Variants in CLHC1 observed in about 807,000 individuals in gnomAD.
CLHC1 encodes clathrin heavy chain linker domain-containing protein 1.
In CLHC1, 72 loss-of-function variants were observed where a neutral mutation model predicts 69.5. That is an observed-to-expected ratio of 1.04 (90% CI 0.86 to 1.26). CLHC1 has a LOEUF of 1.26. Ranked by LOEUF, CLHC1 falls within the 50% of genes most tolerant of loss-of-function variation. CLHC1 has a pLI of 0.00. For synonymous variants in CLHC1, 223 were observed against 224.3 expected (o/e 0.99, Z 0.05); for missense variants, 790 against 679.3 (o/e 1.16, Z -1.81).
At chr2:55,180,363 A>C (rs1337329321) in intron 11 of CLHC1, 147 bp downstream of exon 11, 3 of 600,134 alleles carry the variant, frequency 5.0e-6, no homozygotes, top group Non-Finnish European at 5.8e-6. Context: ...TATGTTCATG[A>C]AAAATTACAC....
intron 11 of CLHC1, among the ~76,000 whole-genome samples, chr2:55,179,398 T>C (rs1322511302): frequency 6.6e-6 from 1 of 152,070 alleles, no homozygotes; most frequent in Non-Finnish European, 1.5e-5. Context: ...AAAAAAAGCC[T>C]AGCTATTATT....
In CLHC1 at chr2:55,181,571, T is replaced by C. The variant is rs996606514; in HGVS notation, c.1180A>G (p.Arg394Gly). 1.9e-6 allele frequency: 3 copies of C among 1,594,470 alleles called. No individual in the cohort carries two copies. The highest frequency in any genetic ancestry group is 2.6e-6 in the Non-Finnish European group (3 of 1,173,456). The change falls in exon 10 of 13, where the codon AGA (arginine) becomes GGA (glycine). Residue 394 changes from arginine (R) to glycine (G), a missense_variant and splice_region_variant. Coordinates refer to ENST00000401408, the MANE Select transcript of CLHC1 (RefSeq NM_152385.4). Reference sequence around the variant, plus strand: ...AGTTAAAAGCTTAACTTTGCTTACCTTTCCTGTGTAACCCAATTGGTAACT... The same window carrying C: ...AGTTAAAAGCTTAACTTTGCTTACCCTTCCTGTGTAACCCAATTGGTAACT... ...DLVTNWVTQE[R>G]LTFSEEAGDV...
intron 9 of CLHC1, among the ~76,000 whole-genome samples, chr2:55,183,597 T>C (rs1419292761): frequency 1.3e-5 from 2 of 152,196 alleles, no homozygotes; most frequent in Non-Finnish European, 2.9e-5. Context: ...CTATTTTTTA[T>C]TGTTCACAGA....
rs1675494588 is a variant in CLHC1, at chr2:55,232,291, T to G, written c.-324A>C. 1.5e-5 allele frequency: 3 copies of G among 203,800 alleles called. No homozygotes were observed. In the Admixed American group the frequency reaches 1.6e-4, roughly 11 times the overall value. The allele number at this position is 203,800 out of a possible 1,614,324, so 12.6% of individuals were successfully genotyped here. On this transcript the variant is annotated 5_prime_UTR_variant, in exon 1 of 13. Coordinates refer to ENST00000401408, the MANE Select transcript of CLHC1 (RefSeq NM_152385.4). ...GTGCTTAGAGATAGTAACTAGGGAA[T>G]CTGGGAGGTGGAACTGCATCTTGGG... is the stretch of plus-strand genomic sequence containing the variant.
chr2:55,180,895 C>T (rs566268462), intron 10 of CLHC1, among the ~76,000 whole-genome samples, 183 bp from the exon 11 acceptor site: 24 of 152,038 alleles, frequency 1.6e-4, no homozygotes, highest in African/African-American at 5.3e-4. Context: ...TCTATCACCC[C>T]GATAATAGTC....
chr2:55,194,600 T>C (rs1212284316), intron 9 of CLHC1, among the ~76,000 whole-genome samples: 1 of 149,654 alleles, frequency 6.7e-6, no homozygotes, highest in African/African-American at 2.4e-5. Flanking sequence ...AAAGTAAAAC[T>C]GTCTTTATTA....
chr2:55,181,479 G>C, intron 10 of CLHC1, 91 bp downstream of exon 10: 1 of 1,016,174 alleles, frequency 9.8e-7, no homozygotes, highest in Non-Finnish European at 1.5e-6. Flanking sequence ...AAATGTTCAA[G>C]TAACATATTG....
intron 4 of CLHC1, among the ~76,000 whole-genome samples, chr2:55,213,459 C>T (rs1450017721): frequency 6.6e-6 from 1 of 152,238 alleles, no homozygotes; most frequent in Non-Finnish European, 1.5e-5. Context: ...TCTTTAATCA[C>T]ATCTGCAAAG....
At chr2:55,180,394 G>T in intron 11 of CLHC1, 116 bp downstream of exon 11, 1 of 664,758 alleles carries the variant, frequency 1.5e-6, no homozygotes. Context: ...CTACTTATTG[G>T]TATATATAAA....
chr2:55,212,625 T>G (rs754885201), intron 5 of CLHC1, 48 bp downstream of exon 5: 21 of 1,461,092 alleles, frequency 1.4e-5, no homozygotes, highest in Non-Finnish European at 1.8e-5. Flanking sequence ...AGGTAAAAAT[T>G]GGAAATAATC....
intron 2 of CLHC1, chr2:55,224,334 C>A (rs780797974): frequency 2.2e-6 from 1 of 459,848 alleles, no homozygotes; most frequent in Non-Finnish European, 4.5e-6. Flanking sequence ...GTGAACTCCA[C>A]GCCTTGACAG....
intron 5 of CLHC1, among the ~76,000 whole-genome samples, chr2:55,210,522 A>G (rs1672889109): frequency 6.6e-6 from 1 of 152,028 alleles, no homozygotes; most frequent in African/African-American, 2.4e-5. Context: ...AAACATTATC[A>G]ATGAAGACTC....
At chr2:55,221,524 T>A (rs1323755826) in intron 3 of CLHC1, among the ~76,000 whole-genome samples, 9 of 152,166 alleles carry the variant, frequency 5.9e-5, no homozygotes, top group Admixed American at 5.9e-4. Flanking sequence ...AGATCAAATC[T>A]AAACCAAGAT....
intron 8 of CLHC1, among the ~76,000 whole-genome samples, chr2:55,207,979 T>C (rs1221633796): frequency 2.6e-5 from 4 of 152,220 alleles, no homozygotes; most frequent in African/African-American, 7.2e-5. Context: ...TTTAATCTTA[T>C]ATACTATGTA....
rs1234507244 is a variant in CLHC1 at position 55,172,893 on chromosome 2, T to C, written c.*2897A>G. On this transcript the variant is annotated 3_prime_UTR_variant, in exon 13 of 13. Transcript: ENST00000401408. ...CTAAATATTAAAAAAATTTTTTTCA[T>C]TAGACTAGACTTCTGTTCAACATCT... is the stretch of plus-strand genomic sequence containing the variant. Among the ~76,000 whole-genome samples the C allele has an allele frequency of 6.6e-6, 1 of 152,194 alleles. No homozygotes were observed. Among genetic ancestry groups the C allele is most frequent in the Non-Finnish European group, 1.5e-5 (1 of 68,022 alleles).
intron 5 of CLHC1, 68 bp downstream of exon 5, chr2:55,212,605 T>C (rs1302697462): frequency 8.1e-7 from 1 of 1,235,354 alleles, no homozygotes; most frequent in African/African-American, 1.5e-5. Context: ...TTTATATTAA[T>C]GCATGCCTTA....
rs1239094782 is a variant in CLHC1 at position 55,174,078 on chromosome 2, T to C, written c.*1712A>G. ...AGAACCAGTGCTGCCGAAATACCTC[T>C]CCCTTTCCATTCCTTTTTTCCATCC... On this transcript the variant is annotated 3_prime_UTR_variant, in exon 13 of 13. Coordinates refer to ENST00000401408, the MANE Select transcript of CLHC1 (RefSeq NM_152385.4). Among the ~76,000 whole-genome samples the C allele has an allele frequency of 6.6e-6, 1 of 151,382 alleles. No homozygotes were observed. The highest frequency in any genetic ancestry group is 1.5e-5 in the Non-Finnish European group (1 of 67,890).
At chr2:55,193,604 A>C (rs541398943) in intron 9 of CLHC1, among the ~76,000 whole-genome samples, 5 of 152,310 alleles carry the variant, frequency 3.3e-5, no homozygotes, top group African/African-American at 4.8e-5. Flanking sequence ...CTTCACACTT[A>C]TTAGAAAGTC....
chr2:55,196,062 G>A (rs183877862), intron 9 of CLHC1, among the ~76,000 whole-genome samples: 29 of 152,242 alleles, frequency 1.9e-4, no homozygotes, highest in African/African-American at 1.7e-4. Context: ...CTTCGCATCC[G>A]AACTCAGTGC....
Sources: gnomAD v4.1 joint callset for allele counts (sites outside exome capture counted in the v4.1 genomes callset) on GRCh38, gnomAD v4.1.1 for gene constraint, MANE v1.5 for transcripts, NCBI Gene and HGNC (gene_info 2026-07-23, HGNC 2026-07-21) for gene names.